Variants in BBS7 observed in about 807,000 individuals in gnomAD.
BBS7 encodes Bardet-Biedl syndrome 7, also known as BBSome complex member BBS7.
BBS7 carries 50 observed loss-of-function variants against 90.3 expected under a neutral mutation model. The observed-to-expected ratio is 0.55, with a 90% confidence interval of 0.44 to 0.70. The LOEUF is 0.70. Among genes scored for constraint, BBS7 ranks in the 30% least tolerant of loss-of-function variants. The probability of loss-of-function intolerance (pLI) is 0.00; values close to 1 mark genes in which losing one functional copy is unlikely to be tolerated. For synonymous variants in BBS7, 235 were observed against 287.4 expected (o/e 0.82, Z 1.85); for missense variants, 729 against 838.9 (o/e 0.87, Z 1.62).
intron 8 of BBS7, among the ~76,000 whole-genome samples, chr4:121,852,723 T>C (rs1726387565): frequency 1.3e-5 from 2 of 152,086 alleles, no homozygotes; most frequent in Non-Finnish European, 2.9e-5. Context: ...TAGAGACTTA[T>C]AATAATATTT....
chr4:121,862,387 G>A (rs1727030620), intron 3 of BBS7, among the ~76,000 whole-genome samples: 1 of 151,892 alleles, frequency 6.6e-6, no homozygotes, highest in Non-Finnish European at 1.5e-5. Context: ...TAAGATATCT[G>A]GGAGAATATG....
At chr4:121,828,085 T>G in intron 18 of BBS7, 61 bp downstream of exon 18, 1 of 1,607,480 alleles carries the variant, frequency 6.2e-7, no homozygotes, top group Non-Finnish European at 8.5e-7. Context: ...TCTTACATGA[T>G]CCTTGGGAAA....
chr4:121,835,247 C>A lies in BBS7; in HGVS notation c.1408G>T (p.Ala470Ser). The change falls in exon 14 of 19, where the codon GCA (alanine) becomes TCA (serine). Residue 470 changes from alanine (A) to serine (S), a missense_variant. Physicochemically the swap from Ala to Ser is moderately conservative, Grantham distance 99. Transcript: ENST00000264499. ...SIEGQYGTLQ[A>S]YVTPRIQPKT... ...GGTTGAATTCTTGGAGTCACATATG[C>A]TTGTAGTGTGCCATACTGGCCTTCA... The A allele has an allele frequency of 1.2e-6, 2 of 1,613,768 alleles. No homozygotes were observed. Among genetic ancestry groups the A allele is most frequent in the African/African-American group, 2.7e-5 (2 of 74,994 alleles).
intron 2 of BBS7, among the ~76,000 whole-genome samples, chr4:121,866,773 T>C (rs1248099115): frequency 6.6e-6 from 1 of 152,192 alleles, no homozygotes; most frequent in Non-Finnish European, 1.5e-5. Flanking sequence ...CTCTATTCCA[T>C]TTTATGTTCT....
At chr4:121,861,429 T>C in intron 4 of BBS7, 75 bp downstream of exon 4, 1 of 1,340,400 alleles carries the variant, frequency 7.5e-7, no homozygotes, top group Non-Finnish European at 1.0e-6. Context: ...TAAGATATGA[T>C]ACTTAGTTGC....
intron 2 of BBS7, among the ~76,000 whole-genome samples, chr4:121,865,823 A>T (rs1328117603): frequency 2.6e-5 from 4 of 152,222 alleles, no homozygotes; most frequent in African/African-American, 4.8e-5. Context: ...CTATCCCACC[A>T]ATGGCACAGA....
chr4:121,862,527 A>G (rs965837877), intron 3 of BBS7, among the ~76,000 whole-genome samples: 1 of 152,240 alleles, frequency 6.6e-6, no homozygotes, highest in Non-Finnish European at 1.5e-5. Flanking sequence ...TATGATCTGT[A>G]AATATGATAA....
At chr4:121,842,519 C>T (rs948300182) in intron 12 of BBS7, among the ~76,000 whole-genome samples, 9 of 151,660 alleles carry the variant, frequency 5.9e-5, no homozygotes, top group Non-Finnish European at 1.3e-4. Context: ...CCTGTAGTCC[C>T]AGCTACTTGG....
intron 4 of BBS7, among the ~76,000 whole-genome samples, chr4:121,860,206 CA>C (rs922383782): frequency 6.6e-6 from 1 of 151,876 alleles, no homozygotes; most frequent in Non-Finnish European, 1.5e-5. Context: ...CTATGTTTTT[CA>C]AAATTTTAAA....
chr4:121,860,801 G>T (rs1363630478), intron 4 of BBS7, among the ~76,000 whole-genome samples: 2 of 152,046 alleles, frequency 1.3e-5, no homozygotes, highest in East Asian at 3.9e-4. Context: ...GGCTGAATCA[G>T]TTGTTTCTAG....
At chr4:121,861,765 A>G (rs1726995654) in intron 3 of BBS7, 86 bp from the exon 4 acceptor site, 1 of 1,324,194 alleles carries the variant, frequency 7.6e-7, no homozygotes, top group Non-Finnish European at 1.1e-6. Flanking sequence ...TTATGATGTT[A>G]AATTTGCAAA....
Position 121,833,343 on chromosome 4 carries a change from A to T in BBS7, c.1564T>A (p.Ser522Thr). 6.2e-7 allele frequency: 1 copy of T among 1,614,062 alleles called. No homozygotes were observed. ...TGQFSFAEVH[S>T]WVVFCLPEVP... ...TCAGGCAGACAAAAAACCACCCAGG[A>T]GTGAACTTCAGCAAAACTGAACTGG... The change falls in exon 15 of 19, where the codon TCC becomes ACC. Residue 522 changes from serine to threonine, a missense_variant. By Grantham distance (58) the Ser-to-Thr change is moderately conservative. Coordinates refer to ENST00000264499, the MANE Select transcript of BBS7 (RefSeq NM_176824.3).
At position 121,849,048 on chromosome 4, in the gene BBS7, A is replaced by C; in HGVS notation, c.850-120T>G. ...TTCAACATATATTTACTGAATGTTTATGTGCAGACACTCAGATTAGAAAGA... is the reference window on the plus strand; with the variant it reads ...TTCAACATATATTTACTGAATGTTTCTGTGCAGACACTCAGATTAGAAAGA... On this transcript the variant is annotated intron_variant, in intron 8 of 18. Transcript: ENST00000264499. The C allele has an allele frequency of 6.1e-6, 4 of 652,990 alleles. No individual in the cohort carries two copies. In the South Asian group the frequency reaches 6.2e-5, roughly 10 times the overall value. The allele number at this position is 652,990 out of a possible 1,614,324, so 40.4% of individuals were successfully genotyped here. A position where few individuals can be genotyped will look rare whatever the true frequency, so the allele number is the denominator to read the frequency against.
chr4:121,859,058 T>C lies in BBS7; in HGVS notation c.462A>G (p.Pro154=). Residue 154 remains proline, a synonymous_variant, in exon 5 of 19, where the codon CCA becomes CCG. Coordinates refer to ENST00000264499, the MANE Select transcript of BBS7 (RefSeq NM_176824.3). Reference sequence around the variant, plus strand: ...GTGTGATACGAGATAATCTTTCCACTGGAAGGCAGATCACATCATTGATTT... The same window carrying C: ...GTGTGATACGAGATAATCTTTCCACCGGAAGGCAGATCACATCATTGATTT... ...GDKINDVICL[P]VERLSRITPV... The C allele has an allele frequency of 6.2e-7, 1 of 1,613,952 alleles. No homozygotes were observed. The highest frequency in any genetic ancestry group is 1.1e-5 in the South Asian group (1 of 91,076).
In BBS7 at chr4:121,824,712, G is replaced by A. The variant is rs527811154; in HGVS notation, c.*1148C>T. 1 of 151,846 alleles carries A rather than the reference G, an allele frequency of 6.6e-6. No homozygotes were observed. Among genetic ancestry groups the A allele is most frequent in the South Asian group, 2.1e-4 (1 of 4,816 alleles). 9.4% of individuals were successfully genotyped at this position (151,846 alleles called of 1,614,324 possible). Reference sequence around the variant, plus strand: ...TCAGAAGTAAAGTTTTTTAAACATAGTAAAAACAATATGACCTTATTAAAA... The same window carrying A: ...TCAGAAGTAAAGTTTTTTAAACATAATAAAAACAATATGACCTTATTAAAA... On this transcript the variant is annotated 3_prime_UTR_variant, in exon 19 of 19. Coordinates refer to ENST00000264499, the MANE Select transcript of BBS7 (RefSeq NM_176824.3). This position sits in a 1 kb window ranked among gnomAD's most constrained non-coding sequence, Gnocchi z 4.1.
chr4:121,858,846 T>C (rs1726825231), intron 5 of BBS7, 146 bp downstream of exon 5: 1 of 765,532 alleles, frequency 1.3e-6, no homozygotes, highest in Admixed American at 3.0e-5. Context: ...GTTAAAAAAA[T>C]TAATATGTCA....
chr4:121,866,406 G>A (rs1727276187), intron 2 of BBS7, among the ~76,000 whole-genome samples: 2 of 151,802 alleles, frequency 1.3e-5, no homozygotes, highest in Admixed American at 1.3e-4. Context: ...GGGATTACAG[G>A]TGCCTGCCAC....
At chr4:121,866,930 A>G (rs1224409303) in intron 2 of BBS7, among the ~76,000 whole-genome samples, 1 of 152,094 alleles carries the variant, frequency 6.6e-6, no homozygotes, top group East Asian at 1.9e-4. Flanking sequence ...GTGGTTCCAT[A>G]CAAATTTTAA....
intron 13 of BBS7, among the ~76,000 whole-genome samples, chr4:121,838,178 AATGTAAAATG>A (rs1406810508): frequency 2.0e-5 from 3 of 152,154 alleles, no homozygotes; most frequent in African/African-American, 7.2e-5. Context: ...AAACTTGCTC[AATGTAAAATG>A]TTTAAATGTG....
Sources: allele counts gnomAD v4.1 joint callset (sites outside exome capture counted in the v4.1 genomes callset), GRCh38; gene constraint gnomAD v4.1.1; non-coding constraint Gnocchi (gnomAD v3.1); transcripts MANE v1.5; gene names NCBI Gene and HGNC (gene_info 2026-07-23, HGNC 2026-07-21).